The following WBP11 variants were observed in gnomAD, a reference collection of about 807,000 sequenced individuals.
WBP11 encodes the protein WW domain binding protein 11.
In WBP11, 12 loss-of-function variants were observed where a neutral mutation model predicts 66.7. That is an observed-to-expected ratio of 0.18 (90% CI 0.12 to 0.29). WBP11 has a LOEUF of 0.29. Ranked by LOEUF, WBP11 falls within the 10% of genes least tolerant of loss-of-function variation. The pLI is 1.00. For synonymous variants in WBP11, 255 were observed against 273.8 expected (o/e 0.93, Z 0.68); for missense variants, 555 against 818.3 (o/e 0.68, Z 3.93).
At chr12:14,799,610 T>C (rs370317460) in intron 4 of WBP11, 25 bp downstream of exon 4, 230 of 1,607,958 alleles carry the variant, frequency 1.4e-4, no homozygotes, top group Non-Finnish European at 1.4e-4. Flanking sequence ...CAGACTGTTA[T>C]AGCTGCCTGT....
At position 14,794,664 on chromosome 12, in the gene WBP11, T is replaced by C. The variant is rs1289714211; in HGVS notation, c.594A>G (p.Lys198=). 5.0e-6 allele frequency: 8 copies of C among 1,611,518 alleles called. No individual in the cohort carries two copies. The South Asian group carries it at 8.8e-5, about 18-fold the overall frequency. The part of the protein sequence containing the change: ...HGVPRLPPGR[K]PPGPPPGPPP... ...GTGGACCAGGGGGAGGGCCAGGAGGTTTTCTGCCAGGGGGCAAACGTGGAA... is the reference window on the plus strand; with the variant it reads ...GTGGACCAGGGGGAGGGCCAGGAGGCTTTCTGCCAGGGGGCAAACGTGGAA... The change falls in exon 7 of 12, where the codon AAA becomes AAG. Residue 198 remains lysine (K), a synonymous_variant. Coordinates refer to ENST00000261167, the MANE Select transcript of WBP11 (RefSeq NM_016312.3).
intron 10 of WBP11, among the ~76,000 whole-genome samples, chr12:14,789,609 C>G (rs1259927463): frequency 1.3e-5 from 2 of 151,974 alleles, no homozygotes; most frequent in African/African-American, 4.8e-5. Context: ...ATCTGAGCAC[C>G]AGAAAAATGG....
intron 1 of WBP11, among the ~76,000 whole-genome samples, chr12:14,802,715 G>A (rs933567567): frequency 1.7e-4 from 26 of 152,106 alleles, no homozygotes; most frequent in African/African-American, 6.3e-4. Context: ...GGGGGTGGGA[G>A]AGCAGCAGGG....
In WBP11 at chr12:14,801,439, G is replaced by A. The variant is rs1949961286; in HGVS notation, c.-45-11C>T. The A allele has an allele frequency of 1.3e-6, 2 of 1,536,084 alleles. No homozygotes were observed. Among genetic ancestry groups the A allele is most frequent in the South Asian group, 1.1e-5 (1 of 89,384 alleles). Reference sequence around the variant, plus strand: ...TAAAAAAAGAAAAACCTGTGAAGGTGAAGACAAAGAAATAGCTTATATCTC... The same window carrying A: ...TAAAAAAAGAAAAACCTGTGAAGGTAAAGACAAAGAAATAGCTTATATCTC... On this transcript the variant is annotated splice_polypyrimidine_tract_variant and intron_variant, in intron 1 of 11. Coordinates refer to ENST00000261167, the MANE Select transcript of WBP11 (RefSeq NM_016312.3).
At chr12:14,794,077 TCATA>T (rs563541233) in intron 7 of WBP11, among the ~76,000 whole-genome samples, 155 bp from the exon 8 acceptor site, 206 of 151,692 alleles carry the variant, frequency 1.4e-3, no homozygotes, top group Middle Eastern at 6.8e-3. Flanking sequence ...ATATAGCTAC[TCATA>T]CAGTCTAACA....
intron 8 of WBP11, among the ~76,000 whole-genome samples, chr12:14,792,235 A>C (rs1949829185): frequency 6.6e-6 from 1 of 152,060 alleles, no homozygotes; most frequent in Non-Finnish European, 1.5e-5. Flanking sequence ...AAAACAAAAA[A>C]AGTTACATCC....
intron 9 of WBP11, among the ~76,000 whole-genome samples, 171 bp from the exon 10 acceptor site, chr12:14,790,920 T>C (rs1949814746): frequency 1.3e-5 from 2 of 152,246 alleles, no homozygotes; most frequent in South Asian, 2.1e-4. Context: ...TACTTATCTA[T>C]GTTAATGCAG....
intron 10 of WBP11, among the ~76,000 whole-genome samples, chr12:14,790,063 A>C (rs1174078210): frequency 6.6e-6 from 1 of 152,256 alleles, no homozygotes; most frequent in Non-Finnish European, 1.5e-5. Context: ...TTACACTGAC[A>C]TTCAACATTC....
In WBP11 at chr12:14,799,716, G is replaced by A; in HGVS notation, c.109C>T (p.Arg37Cys). ...KRELKKNKKQ[R>C]MMVRAAVLKM... ...AAAACTGCAGCTCGAACCATCATGC[G>A]CTGTTTTTTGTTCTTAGAAAAATAA... is the stretch of plus-strand genomic sequence containing the variant. Residue 37 changes from arginine to cysteine, a missense_variant, in exon 4 of 12, where the codon CGC becomes TGC. Arg to Cys is a radical substitution (Grantham distance 180). This residue lies in a region of WBP11 where 43 missense variants were observed against 142.1 expected (regional missense o/e 0.30). Transcript: ENST00000261167. 6.2e-7 allele frequency: 1 copy of A among 1,612,812 alleles called. No individual in the cohort carries two copies. Among genetic ancestry groups the A allele is most frequent in the Non-Finnish European group, 8.5e-7 (1 of 1,179,380 alleles).
intron 3 of WBP11, among the ~76,000 whole-genome samples, 173 bp downstream of exon 3, chr12:14,800,579 T>C (rs1424872273): frequency 6.6e-6 from 1 of 152,140 alleles, no homozygotes; most frequent in Non-Finnish European, 1.5e-5. Flanking sequence ...CTCTGCAAAG[T>C]TACTTCAGTT....
intron 10 of WBP11, among the ~76,000 whole-genome samples, chr12:14,790,093 C>CAAT (rs1949803653): frequency 6.6e-6 from 1 of 152,204 alleles, no homozygotes; most frequent in South Asian, 2.1e-4. Context: ...GAACACAAGA[C>CAAT]ATTATTAACT....
At chr12:14,793,669 T>C (rs1191757590) in intron 8 of WBP11, 62 bp downstream of exon 8, 5 of 1,538,048 alleles carry the variant, frequency 3.3e-6, no homozygotes, top group African/African-American at 1.4e-5. Context: ...ATTAATAAAT[T>C]AGGACCTTCA....
chr12:14,802,771 A>T (rs1949981468), intron 1 of WBP11, among the ~76,000 whole-genome samples: 1 of 152,064 alleles, frequency 6.6e-6, no homozygotes, highest in African/African-American at 2.4e-5. Context: ...CAGTACATAT[A>T]CAAGCTCTCC....
intron 1 of WBP11, chr12:14,801,999 T>C (rs944065119): frequency 6.6e-6 from 1 of 152,316 alleles, no homozygotes; most frequent in Non-Finnish European, 1.5e-5. Flanking sequence ...CTAGTTCAGA[T>C]ATAATGCTTG....
At chr12:14,801,233 T>G in intron 2 of WBP11, 87 bp downstream of exon 2, 1 of 1,347,000 alleles carries the variant, frequency 7.4e-7, no homozygotes, top group Non-Finnish European at 1.1e-6. Context: ...GCTGGTCTTG[T>G]AATTAAGCCA....
intron 11 of WBP11, among the ~76,000 whole-genome samples, chr12:14,788,247 A>G (rs1949778017): frequency 6.6e-6 from 1 of 152,210 alleles, no homozygotes; most frequent in Non-Finnish European, 1.5e-5. Flanking sequence ...CTCAAAGAAA[A>G]AAACAATGCA....
In WBP11 at chr12:14,801,440, A is replaced by C; in HGVS notation, c.-45-12T>G. 3.3e-6 allele frequency: 5 copies of C among 1,535,186 alleles called. No individual in the cohort carries two copies. The South Asian group carries it at 5.6e-5, about 17-fold the overall frequency. On this transcript the variant is annotated splice_polypyrimidine_tract_variant and intron_variant, in intron 1 of 11. Transcript: ENST00000261167. ...AAAAAAAGAAAAACCTGTGAAGGTG[A>C]AGACAAAGAAATAGCTTATATCTCC...
chr12:14,796,909 G>C lies in WBP11; in HGVS notation c.285C>G (p.Leu95=), dbSNP rs1949900338. The stretch of plus-strand genomic sequence containing the variant: ...AAATATCTGGATTCTCTTTTTCATA[G>C]AGTCGTAGAATACGTTCAAAGGTTT... ...LRETFERILR[L]YEKENPDIYK... The change falls in exon 5 of 12, where the codon CTC becomes CTG. Residue 95 remains leucine (L), a synonymous_variant. Transcript: ENST00000261167. The surrounding 1 kb of genome is among the most constrained non-coding windows in gnomAD (Gnocchi z 4.5). The C allele has an allele frequency of 2.5e-6, 4 of 1,611,804 alleles. No homozygotes were observed. The highest frequency in any genetic ancestry group is 2.7e-5 in the African/African-American group (2 of 74,694).
rs150281639 is a variant in WBP11 at position 14,789,951 on chromosome 12, C to T, written c.1309+505G>A. ...ATAGCTGAAAAGTTCTCTGTTGCTT[C>T]ATTTCATAAATAATCTTTTTATACT... On this transcript the variant is annotated intron_variant, in intron 10 of 11. Transcript: ENST00000261167. Among the ~76,000 whole-genome samples the T allele has an allele frequency of 2.0e-4, 31 of 152,288 alleles. No individual in the cohort carries two copies. In the East Asian group the frequency reaches 6.0e-3, roughly 29 times the overall value.
Sources: gnomAD v4.1 joint callset for allele counts (sites outside exome capture counted in the v4.1 genomes callset) on GRCh38, gnomAD v4.1.1 for gene constraint, gnomAD v4.1.1 regional missense constraint, Gnocchi (gnomAD v3.1) non-coding constraint, MANE v1.5 for transcripts, NCBI Gene and HGNC (gene_info 2026-07-23, HGNC 2026-07-21) for gene names.